EDNRB: variants seen among roughly 807,000 people sequenced by gnomAD.
The protein encoded by EDNRB is Hirschsprung disease 2.
Under a neutral mutation model 46.4 loss-of-function variants are expected in EDNRB, and 18 were observed. That is an observed-to-expected ratio of 0.39 (90% CI 0.27 to 0.57). The LOEUF is 0.57. Among genes scored for constraint, EDNRB ranks in the 20% least tolerant of loss-of-function variants. The pLI is 0.61. For synonymous variants in EDNRB, 213 were observed against 204.9 expected (o/e 1.04, Z -0.34); for missense variants, 434 against 537.5 (o/e 0.81, Z 1.90).
At position 77,933,368 on chromosome 13, in the gene EDNRB, G is replaced by T. The variant is rs539426990; in HGVS notation, c.-51-14744C>A. On this transcript the variant is annotated intron_variant, in intron 1 of 7. Transcript: ENST00000646948. Reference sequence around the variant, plus strand: ...GGGCCGTTTTATAAGATTTGGGTAGGTAAAGGAAAATTACAGTCAAAGGGG... The same window carrying T: ...GGGCCGTTTTATAAGATTTGGGTAGTTAAAGGAAAATTACAGTCAAAGGGG... Among the ~76,000 whole-genome samples, 29 of 152,258 alleles carry T rather than the reference G, an allele frequency of 1.9e-4. No individual in the cohort carries two copies. In the South Asian group the frequency reaches 2.1e-3, roughly 11 times the overall value.
chr13:77,973,017 C>A (rs974928150), intron 1 of EDNRB, among the ~76,000 whole-genome samples: 1 of 152,140 alleles, frequency 6.6e-6, no homozygotes, highest in Admixed American at 6.6e-5. Flanking sequence ...ACGTGATCTT[C>A]AGGCTGGTGC....
chr13:77,942,173 C>A (rs979607427), intron 1 of EDNRB, among the ~76,000 whole-genome samples: 25 of 152,052 alleles, frequency 1.6e-4, no homozygotes, highest in African/African-American at 6.0e-4. Flanking sequence ...AAATAAAAGC[C>A]TTGTCTGGGA....
intron 1 of EDNRB, among the ~76,000 whole-genome samples, chr13:77,916,637 A>G (rs1879819589): frequency 6.6e-6 from 1 of 152,210 alleles, no homozygotes; most frequent in African/African-American, 2.4e-5. Flanking sequence ...TTATGAAGGG[A>G]AATTTACAGG....
Position 77,897,076 on chromosome 13 carries a change from T to C in EDNRB, c.*1124A>G, listed in dbSNP as rs1178331968. 1 of 985,790 alleles carries C rather than the reference T, an allele frequency of 1.0e-6. No individual in the cohort carries two copies. The highest frequency in any genetic ancestry group is 1.1e-4 in the East Asian group (1 of 8,806). 61.1% of individuals were successfully genotyped at this position (985,790 alleles called of 1,614,324 possible). A position where few individuals can be genotyped will look rare whatever the true frequency, so the allele number is the denominator to read the frequency against. ...TATTTTAACTATAGCATTATACATA[T>C]GCTAGAAACCATTTTAACCACAGCA... On this transcript the variant is annotated 3_prime_UTR_variant, in exon 7 of 7. Coordinates refer to ENST00000646607, the MANE Select transcript of EDNRB (RefSeq NM_001122659.3).
intron 1 of EDNRB, among the ~76,000 whole-genome samples, chr13:77,950,041 C>A (rs917492259): frequency 6.6e-6 from 1 of 152,142 alleles, no homozygotes; most frequent in African/African-American, 2.4e-5. Flanking sequence ...CAAGCCAATA[C>A]CTCGTGTGCA....
At chr13:77,945,198 G>A (rs1464207161) in intron 1 of EDNRB, among the ~76,000 whole-genome samples, 2 of 152,164 alleles carry the variant, frequency 1.3e-5, no homozygotes, top group Non-Finnish European at 2.9e-5. Context: ...TTTTGGTACT[G>A]CTGATTTTAT....
intron 3 of EDNRB, among the ~76,000 whole-genome samples, chr13:77,902,467 C>T (rs1311101040): frequency 7.2e-5 from 11 of 151,840 alleles, no homozygotes; most frequent in African/African-American, 2.4e-4. Flanking sequence ...CTTAGTTATC[C>T]TTCATCACCT....
chr13:77,963,223 C>T (rs888684360), intron 1 of EDNRB, among the ~76,000 whole-genome samples: 2 of 152,156 alleles, frequency 1.3e-5, no homozygotes, highest in African/African-American at 4.8e-5. Context: ...CAATGCCATC[C>T]CCATCAACCT....
At chr13:77,967,802 A>G (rs567749170) in intron 1 of EDNRB, among the ~76,000 whole-genome samples, 236 of 152,198 alleles carry the variant, frequency 1.6e-3, no homozygotes, top group Non-Finnish European at 2.9e-3. Context: ...TCCTCCTAAG[A>G]GCTATGTAGA....
At chr13:77,929,431 G>A (rs993135718) in intron 1 of EDNRB, among the ~76,000 whole-genome samples, 5 of 152,072 alleles carry the variant, frequency 3.3e-5, no homozygotes, top group Admixed American at 1.3e-4. Context: ...ATAATGTAAC[G>A]TATGTCCTCT....
intron 1 of EDNRB, among the ~76,000 whole-genome samples, chr13:77,917,339 A>G (rs1164556257): frequency 6.6e-6 from 1 of 152,224 alleles, no homozygotes; most frequent in Non-Finnish European, 1.5e-5. Flanking sequence ...CACTGTAGAT[A>G]TTTAATACAA....
chr13:77,946,437 G>T lies in EDNRB; in HGVS notation c.-51-27813C>A, dbSNP rs142750629. On this transcript the variant is annotated intron_variant, in intron 1 of 7. Coordinates refer to the EDNRB transcript ENST00000646948. ...TGAAACAAATACAATTATACAGAAG[G>T]TTTATATTTAATATAGTTTCCTTTG... is the stretch of plus-strand genomic sequence containing the variant. Among the ~76,000 whole-genome samples, 772 of 152,172 alleles carry T rather than the reference G, an allele frequency of 5.1e-3. 11 individuals carry two copies. The highest frequency in any genetic ancestry group is 0.017 in the African/African-American group (725 of 41,506).
Position 77,918,301 on chromosome 13 carries a change from T to C in EDNRB, c.273A>G (p.Gln91=), listed in dbSNP as rs113772233. Residue 91 remains glutamine, a synonymous_variant, in exon 1 of 7, where the codon CAA becomes CAG. Coordinates refer to ENST00000646607, the MANE Select transcript of EDNRB (RefSeq NM_001122659.3). This position sits in a 1 kb window ranked among gnomAD's most constrained non-coding sequence, Gnocchi z 4.5. The stretch of plus-strand genomic sequence containing the variant: ...AAGTCTCCTTGATCTCGATGGGTCC[T>C]TGGCACGGGGGAGGGGAGATGGTGC... ...PPRTISPPPC[Q]GPIEIKETFK... 51 of 1,613,982 alleles carry C rather than the reference T, an allele frequency of 3.2e-5. No homozygotes were observed. The African/African-American group carries it at 5.1e-4, about 16-fold the overall frequency.
intron 1 of EDNRB, among the ~76,000 whole-genome samples, chr13:77,958,708 A>G (rs1247885590): frequency 2.0e-5 from 3 of 152,134 alleles, no homozygotes; most frequent in Admixed American, 6.6e-5. Flanking sequence ...AGCATTGAGA[A>G]CCTTTGCTTT....
Position 77,974,378 on chromosome 13 carries a change from C to T in EDNRB, c.-52+969G>A, listed in dbSNP as rs553401435. Among the ~76,000 whole-genome samples the T allele has an allele frequency of 2.0e-5, 3 of 152,170 alleles. No homozygotes were observed. In the East Asian group the frequency reaches 5.8e-4, roughly 29 times the overall value. On this transcript the variant is annotated intron_variant, in intron 1 of 7. Transcript: ENST00000646948. The stretch of plus-strand genomic sequence containing the variant: ...ACAGATTGAATGCATTTGGGCCATC[C>T]ACGGGCTACTGGGTTAAGGATTTTT...
At chr13:77,962,655 G>A (rs1410558769) in intron 1 of EDNRB, among the ~76,000 whole-genome samples, 1 of 152,148 alleles carries the variant, frequency 6.6e-6, no homozygotes, top group Non-Finnish European at 1.5e-5. Context: ...CAAACTCACA[G>A]CCAGTATCAT....
At chr13:77,932,601 G>A (rs112231854) in intron 1 of EDNRB, among the ~76,000 whole-genome samples, 15 of 152,232 alleles carry the variant, frequency 9.9e-5, no homozygotes, top group African/African-American at 3.6e-4. Flanking sequence ...CTTAGACCAA[G>A]TCCATCTAAC....
At chr13:77,914,373 C>A (rs1879712895) in intron 1 of EDNRB, among the ~76,000 whole-genome samples, 1 of 152,102 alleles carries the variant, frequency 6.6e-6, no homozygotes, top group Non-Finnish European at 1.5e-5. Context: ...TGATAGTCAT[C>A]TTTTTACTTA....
chr13:77,968,681 A>G (rs1489481931), intron 1 of EDNRB, among the ~76,000 whole-genome samples: 2 of 152,102 alleles, frequency 1.3e-5, no homozygotes, highest in Admixed American at 1.3e-4. Flanking sequence ...GGTAGGTAAC[A>G]ACATGTTCTT....
Sources: gnomAD v4.1 joint callset for allele counts (sites outside exome capture counted in the v4.1 genomes callset) on GRCh38, gnomAD v4.1.1 for gene constraint, Gnocchi (gnomAD v3.1) non-coding constraint, MANE v1.5 for transcripts, NCBI Gene and HGNC (gene_info 2026-07-23, HGNC 2026-07-21) for gene names.